MAP3K12: variants seen among roughly 807,000 people sequenced by gnomAD.
MAP3K12 encodes MAPK-upstream kinase.
A neutral mutation model predicts 87.5 loss-of-function variants in MAP3K12; 14 were observed. The ratio of observed to expected loss-of-function variants is 0.16; its 90% CI spans 0.11 to 0.25. MAP3K12 has a LOEUF of 0.25. Ranked by LOEUF, MAP3K12 falls within the 10% of genes least tolerant of loss-of-function variation. The probability of loss-of-function intolerance (pLI) is 1.00; values close to 1 mark genes in which losing one functional copy is unlikely to be tolerated. For synonymous variants in MAP3K12, 469 were observed against 452.5 expected (o/e 1.04, Z -0.46); for missense variants, 802 against 1,140.4 (o/e 0.70, Z 4.27).
At chr12:53,493,278 G>C (rs1402767146) in intron 1 of MAP3K12, among the ~76,000 whole-genome samples, 1 of 152,134 alleles carries the variant, frequency 6.6e-6, no homozygotes, top group Non-Finnish European at 1.5e-5. Flanking sequence ...TGGTTGCCGG[G>C]ATGGCTGCGA....
intron 6 of MAP3K12, 48 bp from the exon 7 acceptor site, chr12:53,484,413 T>C: frequency 5.5e-5 from 71 of 1,280,616 alleles, no homozygotes; most frequent in Non-Finnish European, 7.6e-5. Context: ...TGAGGGAGGA[T>C]CAGATAGGAA....
upstream of MAP3K12, chr12:53,500,369 C>G (rs572623424): frequency 8.5e-5 from 13 of 152,260 alleles, no homozygotes; most frequent in African/African-American, 3.1e-4. Flanking sequence ...GCTGAGAGAC[C>G]CAAGACTCAT....
At position 53,484,849 on chromosome 12, in the gene MAP3K12, G is replaced by T. The variant is rs1943184601; in HGVS notation, c.1139+207C>A. 4.8e-6 allele frequency: 3 copies of T among 620,072 alleles called. No individual in the cohort carries two copies. In the Admixed American group the frequency reaches 8.9e-5, roughly 18 times the overall value. The allele number at this position is 620,072 out of a possible 1,614,324, so 38.4% of individuals were successfully genotyped here. ...AAATCAGGAATGCAGATATCGTTAAGTGTATTTTATAGATGAGGAAACAGG... is the reference window on the plus strand; with the variant it reads ...AAATCAGGAATGCAGATATCGTTAATTGTATTTTATAGATGAGGAAACAGG... On this transcript the variant is annotated intron_variant, in intron 6 of 13. Transcript: ENST00000547488.
At chr12:53,491,491 T>C (rs958095175) in intron 1 of MAP3K12, among the ~76,000 whole-genome samples, 4 of 149,764 alleles carry the variant, frequency 2.7e-5, no homozygotes, top group Non-Finnish European at 5.9e-5. Context: ...TGGAGCTCAG[T>C]GGCACGATCT....
At chr12:53,499,149 A>G (rs907058476) in intron 1 of MAP3K12, among the ~76,000 whole-genome samples, 11 of 151,258 alleles carry the variant, frequency 7.3e-5, no homozygotes, top group South Asian at 6.3e-4. Context: ...CTGTCCCCCA[A>G]TCATCCTCCA....
upstream of MAP3K12, chr12:53,500,998 C>T: frequency 4.8e-6 from 1 of 206,846 alleles, no homozygotes; most frequent in Non-Finnish European, 1.0e-5. Flanking sequence ...GGCTCCGTGC[C>T]CAAGTGAGTC....
intron 1 of MAP3K12, chr12:53,493,970 G>A (rs1290810597): frequency 1.3e-5 from 2 of 152,314 alleles, no homozygotes; most frequent in African/African-American, 4.8e-5. Context: ...CTAGTTGACG[G>A]CTCTTCCACA....
Position 53,482,836 on chromosome 12 carries a change from C to G in MAP3K12, c.1967G>C (p.Arg656Pro). The stretch of plus-strand genomic sequence containing the variant: ...ATCCCCAGCTCCGCCTGTGGCCCCC[C>G]GGCCCCGGGACCCTAGTGCTGCTGA... ...LLSAALGSRG[R>P]GATGGAGDPG... The change falls in exon 11 of 14, where the codon CGG becomes CCG. Residue 656 changes from arginine (R) to proline (P), a missense_variant. By Grantham distance (103) the Arg-to-Pro change is moderately radical. This residue lies in a region of MAP3K12 where 490 missense variants were observed against 496.6 expected (regional missense o/e 0.99). Coordinates refer to ENST00000547488, the MANE Select transcript of MAP3K12 (RefSeq NM_001193511.2). The G allele has an allele frequency of 6.2e-7, 1 of 1,610,924 alleles. No homozygotes were observed. Among genetic ancestry groups the G allele is most frequent in the Middle Eastern group, 1.7e-4 (1 of 6,034 alleles).
chr12:53,492,261 T>TA (rs1478337216), intron 1 of MAP3K12, among the ~76,000 whole-genome samples: 2 of 152,140 alleles, frequency 1.3e-5, no homozygotes, highest in Non-Finnish European at 2.9e-5. Flanking sequence ...TGGTTCCCAT[T>TA]ATACTGGACG....
Position 53,482,328 on chromosome 12 carries a change from G to T in MAP3K12, c.2280C>A (p.Asp760Glu). Reference protein sequence around the residue: ...ISSEEEEGEVDSEVELTSSQR... With the variant: ...ISSEEEEGEVESEVELTSSQR... ...GGCTTGATGTCAGCTCTACTTCACT[G>T]TCTACCTCTCCTTCCTCCTCTTCCG... The change falls in exon 12 of 14, where the codon GAC (aspartate) becomes GAA (glutamate). Residue 760 changes from aspartate to glutamate, a missense_variant. Around this residue, in one of 5 missense-constraint regions of MAP3K12, gnomAD observed 490 missense variants for 496.6 expected, o/e 0.99. Coordinates refer to ENST00000547488, the MANE Select transcript of MAP3K12 (RefSeq NM_001193511.2). 2 of 1,613,960 alleles carry T rather than the reference G, an allele frequency of 1.2e-6. No individual in the cohort carries two copies. The highest frequency in any genetic ancestry group is 8.5e-7 in the Non-Finnish European group (1 of 1,180,010).
At chr12:53,488,988 G>A (rs1299815376) in intron 1 of MAP3K12, among the ~76,000 whole-genome samples, 1 of 149,832 alleles carries the variant, frequency 6.7e-6, no homozygotes, top group Non-Finnish European at 1.5e-5. Flanking sequence ...GCTGAGGCAG[G>A]AGAATCACTT....
Position 53,485,487 on chromosome 12 carries a change from T to C in MAP3K12, c.822-12A>G. The C allele has an allele frequency of 6.2e-7, 1 of 1,611,516 alleles. No individual in the cohort carries two copies. The highest frequency in any genetic ancestry group is 8.5e-7 in the Non-Finnish European group (1 of 1,178,658). On this transcript the variant is annotated splice_polypyrimidine_tract_variant and intron_variant, in intron 4 of 13. Transcript: ENST00000547488. Reference sequence around the variant, plus strand: ...AGGTGATTAGCATGCTGGTAAAGAGTGTAGTCAGCTGGGGTCCACACCCCT... The same window carrying C: ...AGGTGATTAGCATGCTGGTAAAGAGCGTAGTCAGCTGGGGTCCACACCCCT...
At chr12:53,483,535 A>T (rs1943137300) in intron 9 of MAP3K12, 49 bp from the exon 10 acceptor site, 8 of 1,613,812 alleles carry the variant, frequency 5.0e-6, no homozygotes, top group Non-Finnish European at 6.8e-6. Flanking sequence ...AGGAAGGGGC[A>T]CCCCAGTCTC....
At position 53,481,927 on chromosome 12, in the gene MAP3K12, G is replaced by A. The variant is rs774498175; in HGVS notation, c.2580+14C>T. On this transcript the variant is annotated intron_variant, in intron 13 of 13. Coordinates refer to ENST00000547488, the MANE Select transcript of MAP3K12 (RefSeq NM_001193511.2). ...CCCTGTTCAATATCTGCTTTTTGCTGTTGTGCCACTCACCCGCTCTCTGAG... is the reference window on the plus strand; with the variant it reads ...CCCTGTTCAATATCTGCTTTTTGCTATTGTGCCACTCACCCGCTCTCTGAG... 2 of 1,607,608 alleles carry A rather than the reference G, an allele frequency of 1.2e-6. No individual in the cohort carries two copies. The highest frequency in any genetic ancestry group is 1.7e-6 in the Non-Finnish European group (2 of 1,175,582).
rs548812817 is a variant in MAP3K12 at position 53,484,104 on chromosome 12, G to A, written c.1249-84C>T. The A allele has an allele frequency of 9.0e-6, 13 of 1,444,654 alleles. No individual in the cohort carries two copies. The East Asian group carries it at 2.7e-4, about 30-fold the overall frequency. 89.5% of individuals were successfully genotyped at this position (1,444,654 alleles called of 1,614,324 possible). On this transcript the variant is annotated intron_variant, in intron 7 of 13. Transcript: ENST00000547488. ...GCAGGTTGCCCACACCACTGCCAAT[G>A]TGTGTGCTGGAGCAAAAAGGAGTGG...
rs1343428366 is a variant in MAP3K12 at position 53,486,420 on chromosome 12, C to A, written c.629+19G>T. On this transcript the variant is annotated intron_variant, in intron 3 of 13. Coordinates refer to ENST00000547488, the MANE Select transcript of MAP3K12 (RefSeq NM_001193511.2). The surrounding 1 kb of genome is among the most constrained non-coding windows in gnomAD (Gnocchi z 4.9). Reference sequence around the variant, plus strand: ...TTAGCATAGTATCCCCAACACCCAGCCCCTGCCCTGGACCTCACTTGAAAG... The same window carrying A: ...TTAGCATAGTATCCCCAACACCCAGACCCTGCCCTGGACCTCACTTGAAAG... 1 of 1,612,846 alleles carries A rather than the reference C, an allele frequency of 6.2e-7. No homozygotes were observed. Among genetic ancestry groups the A allele is most frequent in the East Asian group, 2.2e-5 (1 of 44,886 alleles).
rs200199533 is a variant in MAP3K12 at position 53,487,038 on chromosome 12, A to G, written c.354T>C (p.Ser118=). 148 of 1,614,120 alleles carry G rather than the reference A, an allele frequency of 9.2e-5. No individual in the cohort carries two copies. The South Asian group carries it at 1.5e-3, about 16-fold the overall frequency. ...DEVRLQCQSG[S]GFLEGLFGCL... is the part of the protein sequence containing the mutation. ...AGCCAAAGAGGCCCTCAAGGAAGCC[A>G]CTGCCACTCTGGCACTGCAGTCGCA... The change falls in exon 2 of 14, where the codon AGT becomes AGC. Residue 118 remains serine, a synonymous_variant. Transcript: ENST00000547488.
intron 1 of MAP3K12, among the ~76,000 whole-genome samples, chr12:53,488,210 C>T (rs931102541): frequency 1.3e-5 from 2 of 152,218 alleles, no homozygotes; most frequent in African/African-American, 4.8e-5. Context: ...AAGGCCACTG[C>T]TTCATCCCCC....
intron 5 of MAP3K12, 37 bp downstream of exon 5, chr12:53,485,280 G>A: frequency 6.2e-7 from 1 of 1,605,518 alleles, no homozygotes; most frequent in Non-Finnish European, 8.5e-7. Context: ...CCCAGGGCTG[G>A]CCACCCACTC....
Sources: gnomAD v4.1 joint callset for allele counts (sites outside exome capture counted in the v4.1 genomes callset) on GRCh38, gnomAD v4.1.1 for gene constraint, gnomAD v4.1.1 regional missense constraint, Gnocchi (gnomAD v3.1) non-coding constraint, MANE v1.5 for transcripts, NCBI Gene and HGNC (gene_info 2026-07-23, HGNC 2026-07-21) for gene names.